The following SRGAP3 variants were observed in gnomAD, a reference collection of about 807,000 sequenced individuals.
SRGAP3 encodes the protein SLIT-ROBO Rho GTPase activating protein 3.
A neutral mutation model predicts 121.1 loss-of-function variants in SRGAP3; 39 were observed. That is an observed-to-expected ratio of 0.32 (90% confidence interval 0.25 to 0.42). SRGAP3 has a LOEUF of 0.42. Ranked by LOEUF, SRGAP3 falls within the 10% of genes least tolerant of loss-of-function variation. SRGAP3 has a pLI of 1.00. For synonymous variants in SRGAP3, 601 were observed against 570.0 expected (o/e 1.05, Z -0.77); for missense variants, 1,213 against 1,470.6 (o/e 0.82, Z 2.86).
intron 2 of SRGAP3, among the ~76,000 whole-genome samples, chr3:9,124,517 A>C (rs930148865): frequency 6.6e-6 from 1 of 152,222 alleles, no homozygotes; most frequent in African/African-American, 2.4e-5. Context: ...CCCTTCAGGA[A>C]ACTTCTGCAG....
chr3:9,029,367 C>G (rs1224649148), intron 12 of SRGAP3, among the ~76,000 whole-genome samples: 6 of 152,106 alleles, frequency 3.9e-5, no homozygotes, highest in Admixed American at 1.3e-4. Context: ...AAAATTGGCT[C>G]TTATAAAAAT....
At chr3:9,000,134 C>T (rs1942664981) in intron 18 of SRGAP3, among the ~76,000 whole-genome samples, 1 of 152,202 alleles carries the variant, frequency 6.6e-6, no homozygotes, top group South Asian at 2.1e-4. Flanking sequence ...GGGCTTTCTT[C>T]CTGGAAGGAG....
At chr3:9,211,836 C>A (rs993187539) in intron 1 of SRGAP3, among the ~76,000 whole-genome samples, 7 of 145,996 alleles carry the variant, frequency 4.8e-5, no homozygotes, top group Non-Finnish European at 1.1e-4. Context: ...TCAACATGCC[C>A]AGCTAATTTT....
At chr3:9,201,180 G>C (rs150040450) in intron 1 of SRGAP3, among the ~76,000 whole-genome samples, 1 of 152,276 alleles carries the variant, frequency 6.6e-6, no homozygotes, top group African/African-American at 2.4e-5. Flanking sequence ...ATGAAGGACG[G>C]TGACGGAAGC....
intron 18 of SRGAP3, among the ~76,000 whole-genome samples, chr3:9,000,434 C>T (rs1350114148): frequency 4.0e-5 from 6 of 151,708 alleles, no homozygotes; most frequent in Admixed American, 6.6e-5. Context: ...TGTCTCCATC[C>T]CCAGTCTCAG....
chr3:9,351,721 A>G (rs753240030), intron 1 of SRGAP3, among the ~76,000 whole-genome samples: 1 of 152,152 alleles, frequency 6.6e-6, no homozygotes, highest in African/African-American at 2.4e-5. Flanking sequence ...ACAATTGCCT[A>G]CAGTATCCAA....
intron 1 of SRGAP3, among the ~76,000 whole-genome samples, chr3:9,233,933 A>G (rs1388645376): frequency 6.6e-6 from 1 of 152,154 alleles, no homozygotes; most frequent in African/African-American, 2.4e-5. Context: ...CATTCTCAGC[A>G]TTTCTTTCAC....
At chr3:9,049,849 C>T (rs1022445572) in intron 9 of SRGAP3, among the ~76,000 whole-genome samples, 4 of 150,798 alleles carry the variant, frequency 2.7e-5, no homozygotes, top group African/African-American at 7.3e-5. Flanking sequence ...TGTTGGCTCA[C>T]TGCAATCTCT....
chr3:9,236,585 C>G (rs557177040), intron 1 of SRGAP3, among the ~76,000 whole-genome samples: 6 of 152,084 alleles, frequency 3.9e-5, no homozygotes, highest in East Asian at 1.9e-4. Context: ...CACTTCCCCC[C>G]CCCTCTTCTT....
At position 8,981,469 on chromosome 3, in the gene SRGAP3, A is replaced by G. The variant is rs183577157; in HGVS notation, c.*4050T>C. 5 of 232,296 alleles carry G rather than the reference A, an allele frequency of 2.2e-5. No homozygotes were observed. Among genetic ancestry groups the G allele is most frequent in the Non-Finnish European group, 3.4e-5 (4 of 117,446 alleles). 14.4% of individuals were successfully genotyped at this position (232,296 alleles called of 1,614,324 possible). On this transcript the variant is annotated 3_prime_UTR_variant, in exon 22 of 22. Transcript: ENST00000383836. Reference sequence around the variant, plus strand: ...GGATGTGTGAAAAGTTAGGAATAGAAAGACTGAGAGGAAGAACCATTACCC... The same window carrying G: ...GGATGTGTGAAAAGTTAGGAATAGAGAGACTGAGAGGAAGAACCATTACCC...
chr3:9,208,479 C>G (rs975023575), intron 1 of SRGAP3, among the ~76,000 whole-genome samples: 3 of 152,204 alleles, frequency 2.0e-5, no homozygotes, highest in Admixed American at 1.3e-4. Context: ...TCCACTTTTC[C>G]TGCTTTCACT....
chr3:9,202,292 G>A (rs964548569), intron 1 of SRGAP3, among the ~76,000 whole-genome samples: 3 of 152,138 alleles, frequency 2.0e-5, no homozygotes, highest in Admixed American at 6.6e-5. Flanking sequence ...AAGGAAGAGT[G>A]GTATTAGTGC....
intron 3 of SRGAP3, among the ~76,000 whole-genome samples, chr3:9,307,975 C>G (rs1176697614): frequency 6.6e-6 from 1 of 152,146 alleles, no homozygotes; most frequent in Non-Finnish European, 1.5e-5. Flanking sequence ...GCCAATATGG[C>G]GAAACCCCGT....
intron 1 of SRGAP3, among the ~76,000 whole-genome samples, chr3:9,356,495 C>G (rs2030521493): frequency 6.6e-6 from 1 of 150,878 alleles, no homozygotes; most frequent in Admixed American, 6.6e-5. Context: ...GCCTCAGCCT[C>G]CTGCGTAGCT....
At chr3:9,127,487 C>T (rs1293610012) in intron 1 of SRGAP3, among the ~76,000 whole-genome samples, 1 of 152,158 alleles carries the variant, frequency 6.6e-6, no homozygotes, top group Admixed American at 6.5e-5. Flanking sequence ...CTCGCTCTGT[C>T]GCCAGGCTGG....
intron 3 of SRGAP3, among the ~76,000 whole-genome samples, chr3:9,255,709 C>A (rs1343991175): frequency 1.3e-5 from 2 of 152,136 alleles, no homozygotes. Context: ...AAAGGAGGAT[C>A]AGGGTGCTAT....
intron 1 of SRGAP3, chr3:9,216,990 G>A (rs1952658033): frequency 6.6e-6 from 1 of 152,054 alleles, no homozygotes; most frequent in Non-Finnish European, 1.5e-5. Context: ...AAGTAGACTG[G>A]TGATTGCCAG....
upstream of SRGAP3, among the ~76,000 whole-genome samples, chr3:9,250,476 A>G (rs73811459): frequency 1.4e-3 from 216 of 152,272 alleles, no homozygotes; most frequent in African/African-American, 4.8e-3. Flanking sequence ...CTGGGAGAGG[A>G]AGACCAAAAA....
chr3:9,293,209 G>A (rs937062978), intron 3 of SRGAP3: 12 of 152,154 alleles, frequency 7.9e-5, no homozygotes, highest in African/African-American at 2.9e-4. Context: ...GGAGGAAAAT[G>A]AGTCAACAAA....
Sources: gnomAD v4.1 joint callset for allele counts (sites outside exome capture counted in the v4.1 genomes callset) on GRCh38, gnomAD v4.1.1 for gene constraint, MANE v1.5 for transcripts, NCBI Gene and HGNC (gene_info 2026-07-23, HGNC 2026-07-21) for gene names.